The following RBFOX1 variants were observed in gnomAD, a reference collection of about 807,000 sequenced individuals.
RBFOX1 encodes RNA binding fox-1 homolog 1.
In RBFOX1, 8 loss-of-function variants were observed where a neutral mutation model predicts 57.7. The ratio of observed to expected loss-of-function variants is 0.14; its 90% CI spans 0.08 to 0.25. The LOEUF (loss-of-function observed/expected upper bound fraction) is 0.25. Among genes scored for constraint, RBFOX1 ranks in the 10% least tolerant of loss-of-function variants. The probability of loss-of-function intolerance (pLI) is 1.00; values close to 1 mark genes in which losing one functional copy is unlikely to be tolerated. For missense variants in RBFOX1, 611 were observed against 548.5 expected (o/e 1.11, Z -1.14); for synonymous variants, 326 against 222.4 (o/e 1.47, Z -4.15).
At chr16:7,139,174 C>CTGTGTGTGTGTG (rs1276311817) in intron 4 of RBFOX1, among the ~76,000 whole-genome samples, 814 of 22,686 alleles carry the variant, frequency 0.036, 6 homozygotes, top group South Asian at 0.09. Context: ...ATCAATCTCT[C>CTGTGTGTGTGTG]TCTGTGTGTG....
intron 2 of RBFOX1, among the ~76,000 whole-genome samples, chr16:6,401,633 C>T (rs1394758751): frequency 2.0e-5 from 3 of 152,114 alleles, no homozygotes; most frequent in African/African-American, 7.2e-5. Flanking sequence ...TTCATTTACC[C>T]ATACCCCATT....
intron 4 of RBFOX1, among the ~76,000 whole-genome samples, chr16:5,993,737 G>T (rs1308794560): frequency 6.6e-6 from 1 of 152,172 alleles, no homozygotes. Context: ...TGGGTGGGAT[G>T]ATGTATCGCT....
chr16:7,415,994 G>A (rs1005690389), intron 4 of RBFOX1, among the ~76,000 whole-genome samples: 12 of 152,160 alleles, frequency 7.9e-5, no homozygotes, highest in Middle Eastern at 3.4e-3. Context: ...CTTCTTTCCC[G>A]AACTTCATCT....
At chr16:5,720,381 A>C (rs753695038) in intron 3 of RBFOX1, among the ~76,000 whole-genome samples, 1 of 152,216 alleles carries the variant, frequency 6.6e-6, no homozygotes, top group African/African-American at 2.4e-5. Context: ...TGTGTTTGCC[A>C]TTGCTATTAT....
intron 2 of RBFOX1, among the ~76,000 whole-genome samples, chr16:6,541,428 G>T (rs185955885): frequency 1.4e-3 from 208 of 152,326 alleles, no homozygotes; most frequent in Admixed American, 3.8e-3. Flanking sequence ...TGCTCACATG[G>T]AGTTGGTCAC....
chr16:6,911,110 A>T (rs1291668020), intron 3 of RBFOX1, among the ~76,000 whole-genome samples: 1 of 151,898 alleles, frequency 6.6e-6, no homozygotes, highest in Non-Finnish European at 1.5e-5. Context: ...CTGAGGCAGG[A>T]CAATCGCTGG....
At chr16:6,370,628 G>A (rs932933405) in intron 2 of RBFOX1, among the ~76,000 whole-genome samples, 2 of 152,092 alleles carry the variant, frequency 1.3e-5, no homozygotes, top group Non-Finnish European at 1.5e-5. Context: ...CAGGTACCTA[G>A]GATAGTCAAA....
At chr16:6,535,778 G>A (rs2096726687) in intron 2 of RBFOX1, among the ~76,000 whole-genome samples, 2 of 152,282 alleles carry the variant, frequency 1.3e-5, no homozygotes, top group African/African-American at 2.4e-5. Context: ...CAGCATATGT[G>A]TATTTAATTA....
At chr16:7,638,963 C>A (rs1318647259) in intron 11 of RBFOX1, among the ~76,000 whole-genome samples, 1 of 151,976 alleles carries the variant, frequency 6.6e-6, no homozygotes, top group East Asian at 1.9e-4. Context: ...GCATTTTGTA[C>A]CATTTTATCA....
At chr16:7,196,764 C>A (rs572822573) in intron 4 of RBFOX1, among the ~76,000 whole-genome samples, 1 of 152,178 alleles carries the variant, frequency 6.6e-6, no homozygotes, top group South Asian at 2.1e-4. Flanking sequence ...GAAGGGAAGC[C>A]TGGGCAGGCT....
At chr16:7,629,010 A>G (rs2060510790) in intron 10 of RBFOX1, among the ~76,000 whole-genome samples, 1 of 152,178 alleles carries the variant, frequency 6.6e-6, no homozygotes, top group African/African-American at 2.4e-5. Context: ...TACTACCCAG[A>G]GAAGGTTAGT....
chr16:7,008,010 G>A (rs916980812), intron 3 of RBFOX1, among the ~76,000 whole-genome samples: 5 of 152,110 alleles, frequency 3.3e-5, no homozygotes, highest in Non-Finnish European at 7.3e-5. Context: ...ATAATGTTGG[G>A]CATTGTGTCT....
chr16:5,318,728 C>G (rs975626981), intron 1 of RBFOX1, among the ~76,000 whole-genome samples: 1 of 152,172 alleles, frequency 6.6e-6, no homozygotes, highest in East Asian at 1.9e-4. Context: ...CAAACGGTAA[C>G]TTAGGTACTG....
chr16:5,884,549 A>T (rs944077072), intron 4 of RBFOX1, among the ~76,000 whole-genome samples: 2 of 150,838 alleles, frequency 1.3e-5, no homozygotes, highest in Admixed American at 6.7e-5. Flanking sequence ...CATGTGACTG[A>T]GTTCTGCCCA....
At chr16:6,903,427 T>A (rs1348287581) in intron 3 of RBFOX1, among the ~76,000 whole-genome samples, 1 of 152,180 alleles carries the variant, frequency 6.6e-6, no homozygotes, top group East Asian at 1.9e-4. Flanking sequence ...TGACGAAAGA[T>A]CCGTGAAGTC....
intron 4 of RBFOX1, among the ~76,000 whole-genome samples, chr16:5,889,221 C>A (rs1364194638): frequency 6.6e-6 from 1 of 152,138 alleles, no homozygotes; most frequent in Non-Finnish European, 1.5e-5. Flanking sequence ...TTAACTATTC[C>A]TCCTGATGCT....
At chr16:6,296,599 T>G (rs534778662) in intron 1 of RBFOX1, among the ~76,000 whole-genome samples, 3 of 152,178 alleles carry the variant, frequency 2.0e-5, no homozygotes, top group Non-Finnish European at 1.5e-5. Context: ...CTTTTATATT[T>G]TTAGTAGAGA....
chr16:6,412,208 C>G (rs924066514), intron 2 of RBFOX1, among the ~76,000 whole-genome samples: 1 of 151,382 alleles, frequency 6.6e-6, no homozygotes, highest in Non-Finnish European at 1.5e-5. Flanking sequence ...TGGGTAATTT[C>G]CATATTATAC....
chr16:6,100,116 G>A (rs2096285905), intron 1 of RBFOX1, among the ~76,000 whole-genome samples: 1 of 152,150 alleles, frequency 6.6e-6, no homozygotes, highest in African/African-American at 2.4e-5. Flanking sequence ...TAATTGAAAT[G>A]TGATGCAGGC....
Sources: allele counts gnomAD v4.1 joint callset (sites outside exome capture counted in the v4.1 genomes callset), GRCh38; gene constraint gnomAD v4.1.1; transcripts MANE v1.5; gene names NCBI Gene and HGNC (gene_info 2026-07-23, HGNC 2026-07-21).